The following BTBD9 variants were observed in gnomAD, a reference collection of about 807,000 sequenced individuals.
BTBD9 encodes the protein BTB/POZ domain-containing protein 9.
BTBD9 carries 49 observed loss-of-function variants against 64.3 expected under a neutral mutation model. That is an observed-to-expected ratio of 0.76 (90% CI 0.61 to 0.97). The LOEUF is 0.97. Among genes scored for constraint, BTBD9 ranks in the 50% least tolerant of loss-of-function variants. The pLI is 0.00. For synonymous variants in BTBD9, 260 were observed against 274.7 expected, an observed-to-expected ratio of 0.95 and a Z score of 0.53; for missense variants, 598 against 762.1, an observed-to-expected ratio of 0.78 and a Z score of 2.53.
chr6:38,435,656 CCTTT>C (rs548751853), intron 6 of BTBD9, among the ~76,000 whole-genome samples: 12,325 of 125,418 alleles, frequency 0.098, 705 homozygotes, highest in African/African-American at 0.12. Context: ...TTCCTTCCTT[CCTTT>C]CTCTCTCTCT....
chr6:38,613,661 G>A (rs1409099182), intron 1 of BTBD9, among the ~76,000 whole-genome samples: 1 of 151,996 alleles, frequency 6.6e-6, no homozygotes, highest in African/African-American at 2.4e-5. Context: ...ATGGACACAT[G>A]TATTACTCAA....
At chr6:38,582,514 C>T (rs1341953418) in intron 4 of BTBD9, among the ~76,000 whole-genome samples, 1 of 152,218 alleles carries the variant, frequency 6.6e-6, no homozygotes, top group African/African-American at 2.4e-5. Flanking sequence ...AGAACCTAAG[C>T]AGTCTGCCTG....
At position 38,577,404 on chromosome 6, in the gene BTBD9, A is replaced by G. The variant is rs147881312; in HGVS notation, c.1154+196T>C. Among the ~76,000 whole-genome samples the G allele has an allele frequency of 1.3e-3, 199 of 152,350 alleles. 1 individual carries two copies. The highest frequency in any genetic ancestry group is 1.1e-3 in the Non-Finnish European group (77 of 68,036). ...ACATATTATACAAGACATGTTGTAT[A>G]AATAGTTCCACAACACACTGTAAAT... On this transcript the variant is annotated intron_variant, in intron 6 of 10. Coordinates refer to ENST00000481247, the MANE Select transcript of BTBD9 (RefSeq NM_001099272.2).
intron 6 of BTBD9, among the ~76,000 whole-genome samples, chr6:38,464,228 T>C (rs564894122): frequency 1.3e-5 from 2 of 152,278 alleles, no homozygotes; most frequent in South Asian, 4.1e-4. Flanking sequence ...ATTTTGGACT[T>C]CTAACTTTCA....
intron 6 of BTBD9, among the ~76,000 whole-genome samples, chr6:38,478,054 AG>A (rs1393466499): frequency 6.6e-6 from 1 of 152,206 alleles, no homozygotes; most frequent in African/African-American, 2.4e-5. Flanking sequence ...ATACAGGATT[AG>A]GTAAGACAAA....
intron 6 of BTBD9, 94 bp downstream of exon 6, chr6:38,577,504 ACT>A (rs1776098989): frequency 7.9e-7 from 1 of 1,260,952 alleles, no homozygotes; most frequent in South Asian, 1.4e-5. Flanking sequence ...ATCCTGAATA[ACT>A]CTTTTTTCAA....
intron 9 of BTBD9, among the ~76,000 whole-genome samples, chr6:38,210,807 C>T (rs1460592152): frequency 1.3e-5 from 2 of 152,088 alleles, no homozygotes; most frequent in Non-Finnish European, 2.9e-5. Context: ...TAATTAATTA[C>T]CTTTACCCTT....
intron 6 of BTBD9, among the ~76,000 whole-genome samples, chr6:38,570,323 C>G (rs1775706559): frequency 6.6e-6 from 1 of 152,176 alleles, no homozygotes; most frequent in East Asian, 1.9e-4. Flanking sequence ...TATTTCTTTA[C>G]CTTGATTCTT....
intron 10 of BTBD9, among the ~76,000 whole-genome samples, chr6:38,178,903 G>A (rs1761409172): frequency 6.6e-6 from 1 of 151,910 alleles, no homozygotes; most frequent in African/African-American, 2.4e-5. Context: ...GCCAGGCTGG[G>A]GTGCAGGGGG....
At position 38,592,565 on chromosome 6, in the gene BTBD9, C is replaced by T. The variant is rs751109535; in HGVS notation, c.814+11G>A. The T allele has an allele frequency of 6.2e-7, 1 of 1,613,046 alleles. No homozygotes were observed. Among genetic ancestry groups the T allele is most frequent in the Non-Finnish European group, 8.5e-7 (1 of 1,179,352 alleles). Reference sequence around the variant, plus strand: ...GCTTCTTGGTTGAGTTTAGGATAGACAGGTACTTACTGAGCATGCCTCTAT... The same window carrying T: ...GCTTCTTGGTTGAGTTTAGGATAGATAGGTACTTACTGAGCATGCCTCTAT... On this transcript the variant is annotated intron_variant, in intron 4 of 10. Transcript: ENST00000481247.
chr6:38,374,318 T>TATATATATATATAC (rs1765592053), intron 6 of BTBD9, among the ~76,000 whole-genome samples: 3 of 114,266 alleles, frequency 2.6e-5, no homozygotes, highest in Non-Finnish European at 5.4e-5. Flanking sequence ...TATATATATA[T>TATATATATATATAC]ATATATATGT....
chr6:38,583,460 C>T (rs934482900), intron 4 of BTBD9, among the ~76,000 whole-genome samples: 1 of 152,182 alleles, frequency 6.6e-6, no homozygotes, highest in African/African-American at 2.4e-5. Flanking sequence ...GATGGTGCCA[C>T]TGCACTCCAG....
intron 6 of BTBD9, among the ~76,000 whole-genome samples, chr6:38,438,652 T>C (rs907003049): frequency 6.6e-6 from 1 of 152,366 alleles, no homozygotes; most frequent in South Asian, 2.1e-4. Context: ...AAGTTCATTC[T>C]TTCAATCTTA....
At chr6:38,463,585 T>C (rs1162116182) in intron 6 of BTBD9, among the ~76,000 whole-genome samples, 1 of 152,238 alleles carries the variant, frequency 6.6e-6, no homozygotes, top group Non-Finnish European at 1.5e-5. Flanking sequence ...GAGTAGGTGT[T>C]GGATTTTACA....
At chr6:38,287,582 C>T (rs1345647123) in intron 8 of BTBD9, among the ~76,000 whole-genome samples, 1 of 152,100 alleles carries the variant, frequency 6.6e-6, no homozygotes, top group Non-Finnish European at 1.5e-5. Context: ...GGTTTGTAGC[C>T]TAGGAGCAAC....
intron 6 of BTBD9, among the ~76,000 whole-genome samples, chr6:38,551,425 G>A (rs1774797846): frequency 6.6e-6 from 1 of 152,134 alleles, no homozygotes; most frequent in African/African-American, 2.4e-5. Context: ...AATGAGACTA[G>A]CAAAGTAGGC....
intron 6 of BTBD9, among the ~76,000 whole-genome samples, chr6:38,415,749 G>C (rs556382102): frequency 1.3e-4 from 19 of 151,950 alleles, no homozygotes; most frequent in Admixed American, 2.6e-4. Context: ...ATTTCATCTA[G>C]ACTATCACAG....
chr6:38,452,539 A>T (rs1375266483), intron 6 of BTBD9, among the ~76,000 whole-genome samples: 1 of 152,056 alleles, frequency 6.6e-6, no homozygotes, highest in African/African-American at 2.4e-5. Flanking sequence ...TGAGTCCATA[A>T]TGCTCTGCAT....
At chr6:38,386,453 A>T (rs1469858275) in intron 6 of BTBD9, among the ~76,000 whole-genome samples, 1 of 152,144 alleles carries the variant, frequency 6.6e-6, no homozygotes, top group East Asian at 1.9e-4. Flanking sequence ...CTTCAGTTGA[A>T]AGTGAATGTC....
Sources: gnomAD v4.1 joint callset for allele counts (sites outside exome capture counted in the v4.1 genomes callset) on GRCh38, gnomAD v4.1.1 for gene constraint, MANE v1.5 for transcripts, NCBI Gene and HGNC (gene_info 2026-07-23, HGNC 2026-07-21) for gene names.